The following KIAA1958 variants were observed in gnomAD, a reference collection of about 807,000 sequenced individuals.
KIAA1958 encodes KIAA1958, also known as uncharacterized protein KIAA1958.
In KIAA1958, 14 loss-of-function variants were observed where a neutral mutation model predicts 47.2. The ratio of observed to expected loss-of-function variants is 0.30; its 90% CI spans 0.20 to 0.46. The LOEUF is 0.46. Ranked by LOEUF, KIAA1958 falls within the 20% of genes least tolerant of loss-of-function variation. KIAA1958 has a pLI of 1.00. For synonymous variants in KIAA1958, 354 were observed against 353.3 expected, an observed-to-expected ratio of 1.00 and a Z score of -0.02; for missense variants, 803 against 909.2, an observed-to-expected ratio of 0.88 and a Z score of 1.50.
chr9:112,556,376 T>C (rs1421226637), intron 1 of KIAA1958, among the ~76,000 whole-genome samples: 1 of 152,234 alleles, frequency 6.6e-6, no homozygotes, highest in African/African-American at 2.4e-5. Flanking sequence ...TTTGAAAGTT[T>C]TGCTACCAAA....
At chr9:112,605,048 A>T (rs1836205716) in intron 2 of KIAA1958, among the ~76,000 whole-genome samples, 2 of 147,270 alleles carry the variant, frequency 1.4e-5, no homozygotes, top group South Asian at 4.2e-4. Flanking sequence ...GTATTTTTAT[A>T]TATTTATATT....
intron 1 of KIAA1958, among the ~76,000 whole-genome samples, chr9:112,558,553 A>G (rs1835280186): frequency 6.6e-6 from 1 of 152,218 alleles, no homozygotes; most frequent in Non-Finnish European, 1.5e-5. Context: ...TGGGAGGCTT[A>G]GTCCTGTTAC....
intron 1 of KIAA1958, among the ~76,000 whole-genome samples, chr9:112,497,233 C>A (rs146371408): frequency 1.4e-4 from 21 of 152,226 alleles, no homozygotes; most frequent in South Asian, 4.1e-4. Flanking sequence ...GAAGCCCCAA[C>A]CCTCCAGTAC....
intron 2 of KIAA1958, among the ~76,000 whole-genome samples, chr9:112,636,784 C>T (rs2798317): frequency 0.14 from 21,258 of 151,894 alleles, 1,840 homozygotes; most frequent in South Asian, 0.24. Context: ...TGTATTTTTC[C>T]CCCAGGAGAA....
At chr9:112,645,851 AG>A (rs1459537526) in intron 3 of KIAA1958, 29 bp downstream of exon 3, 30 of 1,598,938 alleles carry the variant, frequency 1.9e-5, no homozygotes, top group Non-Finnish European at 2.5e-5. Context: ...TACTTCTTTC[AG>A]CCAACTTCAC....
chr9:112,623,030 C>A (rs1216635721), intron 2 of KIAA1958, among the ~76,000 whole-genome samples: 1 of 152,190 alleles, frequency 6.6e-6, no homozygotes, highest in Non-Finnish European at 1.5e-5. Flanking sequence ...TGTACCCATG[C>A]AATTTATCCA....
intron 1 of KIAA1958, among the ~76,000 whole-genome samples, chr9:112,495,550 C>T (rs765296180): frequency 6.6e-6 from 1 of 152,126 alleles, no homozygotes; most frequent in Non-Finnish European, 1.5e-5. Context: ...CTGAAATTCT[C>T]CTGCACTGCT....
chr9:112,605,656 C>A (rs1203371321), intron 2 of KIAA1958, among the ~76,000 whole-genome samples: 1 of 152,168 alleles, frequency 6.6e-6, no homozygotes, highest in Non-Finnish European at 1.5e-5. Flanking sequence ...GCTTTCAAAA[C>A]CTGTCCTCAT....
At chr9:112,596,015 C>G (rs1049649275) in intron 2 of KIAA1958, among the ~76,000 whole-genome samples, 2 of 152,030 alleles carry the variant, frequency 1.3e-5, no homozygotes, top group Non-Finnish European at 2.9e-5. Context: ...GAACTCTTGA[C>G]CTCAGGTGAT....
intron 2 of KIAA1958, among the ~76,000 whole-genome samples, chr9:112,632,574 T>G (rs1305516731): frequency 6.6e-6 from 1 of 152,168 alleles, no homozygotes; most frequent in Non-Finnish European, 1.5e-5. Context: ...AAATGAAATA[T>G]ATCTCATTTT....
intron 3 of KIAA1958, among the ~76,000 whole-genome samples, chr9:112,653,347 C>T (rs1051578694): frequency 3.9e-5 from 6 of 152,154 alleles, no homozygotes; most frequent in Admixed American, 3.3e-4. Flanking sequence ...AGGGTGTGTA[C>T]TGGTCATCTA....
At position 112,525,932 on chromosome 9, in the gene KIAA1958, T is replaced by TTTTCTC. The variant is rs1564159399; in HGVS notation, c.-25+38814_-25+38815insTTTCTC. Among the ~76,000 whole-genome samples the TTTTCTC allele has an allele frequency of 3.5e-3, 17 of 4,870 alleles. No homozygotes were observed. The African/African-American group carries it at 0.041, about 12-fold the overall frequency. The allele number at this position is 4,870 out of a possible 152,430, so 3.2% of individuals were successfully genotyped here. On this transcript the variant is annotated intron_variant, in intron 1 of 3. Transcript: ENST00000337530. ...CATTTATATTCTTTCTTCTTCTTCT[T>TTTTCTC]CTTCTTCTTCTTCTTCTTCTTCTTC...
intron 2 of KIAA1958, 141 bp from the exon 3 acceptor site, chr9:112,645,509 G>C (rs765556977): frequency 6.8e-6 from 4 of 587,896 alleles, no homozygotes; most frequent in Non-Finnish European, 1.2e-5. Context: ...GATAGATATA[G>C]ATATACATAT....
chr9:112,581,279 A>G (rs1447104515), intron 2 of KIAA1958, among the ~76,000 whole-genome samples: 2 of 152,238 alleles, frequency 1.3e-5, no homozygotes, highest in African/African-American at 2.4e-5. Context: ...AGTACCTGAC[A>G]TATGATAAAC....
intron 1 of KIAA1958, among the ~76,000 whole-genome samples, chr9:112,519,365 G>GCT (rs1046216650): frequency 6.6e-6 from 1 of 152,132 alleles, no homozygotes; most frequent in African/African-American, 2.4e-5. Flanking sequence ...CTGAACTTAT[G>GCT]CTCATAGCTT....
chr9:112,625,021 C>G (rs186402783), intron 2 of KIAA1958, among the ~76,000 whole-genome samples: 2 of 16,590 alleles, frequency 1.2e-4, no homozygotes, highest in East Asian at 4.3e-3. Context: ...TCTCATGTTT[C>G]CTACCCCCTC....
intron 1 of KIAA1958, among the ~76,000 whole-genome samples, chr9:112,535,081 A>G (rs1265347684): frequency 2.6e-5 from 4 of 152,160 alleles, no homozygotes; most frequent in African/African-American, 4.8e-5. Flanking sequence ...CATCTCTATT[A>G]CCTTACACAT....
At chr9:112,562,904 G>A (rs1356686412) in intron 1 of KIAA1958, among the ~76,000 whole-genome samples, 1 of 151,114 alleles carries the variant, frequency 6.6e-6, no homozygotes, top group Non-Finnish European at 1.5e-5. Flanking sequence ...GGGCTCAGGC[G>A]GTCCTCCCAC....
At chr9:112,607,070 A>G (rs1021888315) in intron 2 of KIAA1958, among the ~76,000 whole-genome samples, 1 of 152,172 alleles carries the variant, frequency 6.6e-6, no homozygotes, top group African/African-American at 2.4e-5. Context: ...GTCAAGAGAC[A>G]TGGGTGCCAG....
Sources: gnomAD v4.1 joint callset for allele counts (sites outside exome capture counted in the v4.1 genomes callset) on GRCh38, gnomAD v4.1.1 for gene constraint, MANE v1.5 for transcripts, NCBI Gene and HGNC (gene_info 2026-07-23, HGNC 2026-07-21) for gene names.